The following KLK13 variants were observed in gnomAD, a reference collection of about 807,000 sequenced individuals.
The protein encoded by KLK13 is kallikrein-13.
In KLK13, 19 loss-of-function variants were observed where a neutral mutation model predicts 22.4. The observed-to-expected ratio is 0.85, with a 90% CI of 0.59 to 1.24. The LOEUF is 1.24. Ranked by LOEUF, KLK13 falls within the 50% of genes most tolerant of loss-of-function variation. The pLI, the probability that KLK13 is intolerant of heterozygous loss-of-function variation, is 0.00. For synonymous variants in KLK13, 156 were observed against 141.8 expected (o/e 1.10, Z -0.71); for missense variants, 311 against 347.9 (o/e 0.89, Z 0.84).
chr19:51,060,272 T>C (rs2091715183), intron 2 of KLK13, among the ~76,000 whole-genome samples, 161 bp downstream of exon 2: 2 of 151,938 alleles, frequency 1.3e-5, no homozygotes, highest in Non-Finnish European at 2.9e-5. Context: ...TTTGATTCTA[T>C]TCCCATACCC....
chr19:51,060,510 T>A lies in KLK13; in HGVS notation c.162A>T (p.Leu54=). ...CCCCACAGAGTAGCCGCCCTTGCACTAGTAGGGCAGCCTGCCAGGGCTGAG... is the reference window on the plus strand; with the variant it reads ...CCCCACAGAGTAGCCGCCCTTGCACAAGTAGGGCAGCCTGCCAGGGCTGAG... ...PHSQPWQAAL[L]VQGRLLCGGV... is the part of the protein sequence containing the mutation. Residue 54 remains leucine, a synonymous_variant, in exon 2 of 5, where the codon CTA becomes CTT. Transcript: ENST00000595793. The A allele has an allele frequency of 6.2e-7, 1 of 1,613,916 alleles. No individual in the cohort carries two copies. Among genetic ancestry groups the A allele is most frequent in the Non-Finnish European group, 8.5e-7 (1 of 1,179,894 alleles).
chr19:51,062,191 G>T (rs1336594978), intron 1 of KLK13, among the ~76,000 whole-genome samples: 2 of 152,116 alleles, frequency 1.3e-5, no homozygotes, highest in African/African-American at 2.4e-5. Context: ...ACAGATATAG[G>T]ATATTTCATA....
In KLK13 at chr19:51,060,529, G is replaced by A. The variant is rs183071880; in HGVS notation, c.143C>T (p.Pro48Leu). The stretch of plus-strand genomic sequence containing the variant: ...TTGCACTAGTAGGGCAGCCTGCCAG[G>A]GCTGAGAGTGGGGGAAGCAGGTGTA... ...GGYTCFPHSQ[P>L]WQAALLVQGR... Residue 48 changes from proline to leucine, a missense_variant, in exon 2 of 5, where the codon CCC becomes CTC. Pro to Leu is a moderately conservative substitution (Grantham distance 98). Coordinates refer to ENST00000595793, the MANE Select transcript of KLK13 (RefSeq NM_015596.3). 2.3e-5 allele frequency: 37 copies of A among 1,613,986 alleles called. No homozygotes were observed. Among genetic ancestry groups the A allele is most frequent in the Admixed American group, 8.3e-5 (5 of 60,022 alleles).
chr19:51,062,940 G>A (rs1404319), intron 1 of KLK13, among the ~76,000 whole-genome samples: 64,991 of 152,026 alleles, frequency 0.43, 15,337 homozygotes, highest in African/African-American at 0.61. Context: ...GACAGAAGTT[G>A]TCGGTGAGCA....
In KLK13 at chr19:51,055,867, C is replaced by T. The variant is rs2091670886; in HGVS notation, c.*720G>A. On this transcript the variant is annotated 3_prime_UTR_variant, in exon 5 of 5. Transcript: ENST00000595793. ...AGACAATAAAGTTCAGGCAAGAAGA[C>T]CCTTTGGTATACTGAACCCTATAAC... Among the ~76,000 whole-genome samples the T allele has an allele frequency of 1.3e-5, 2 of 152,120 alleles. No homozygotes were observed. The highest frequency in any genetic ancestry group is 4.8e-5 in the African/African-American group (2 of 41,412).
In KLK13 at chr19:51,060,102, G is replaced by GCT; in HGVS notation, c.240-10_240-9insAG. On this transcript the variant is annotated splice_polypyrimidine_tract_variant and intron_variant, in intron 2 of 4. Transcript: ENST00000595793. ...GGTAAACTTTGAGCCCCCTGTGGGT[G>GCT]CAGAAAGAAGGTGGTTAGGAAAGAA... 3 of 1,612,566 alleles carry GCT rather than the reference G, an allele frequency of 1.9e-6. No individual in the cohort carries two copies. The South Asian group carries it at 3.3e-5, about 18-fold the overall frequency.
chr19:51,064,727 A>G (rs2091764120), intron 1 of KLK13: 1 of 640,960 alleles, frequency 1.6e-6, no homozygotes, highest in East Asian at 3.1e-5. Context: ...TCAGGACGCG[A>G]ACCCATGTCT....
chr19:51,057,362 C>T (rs945563952), intron 4 of KLK13, among the ~76,000 whole-genome samples: 1 of 152,116 alleles, frequency 6.6e-6, no homozygotes, highest in Non-Finnish European at 1.5e-5. Context: ...TTGATGAAGG[C>T]TATTTTTTGC....
At chr19:51,065,087 GAGGGCAGGGCGGGC>G in exon 1 of KLK13, 2 of 1,450,032 alleles carry the variant, frequency 1.4e-6, no homozygotes, top group Non-Finnish European at 1.9e-6. Flanking sequence ...ATCGGGAGGG[GAGGGCAGGGCGGGC>G]GGGGCCTGAG....
chr19:51,064,484 T>G (rs1219933919), intron 1 of KLK13: 2 of 237,966 alleles, frequency 8.4e-6, no homozygotes, highest in Admixed American at 1.1e-4. Flanking sequence ...CAAGGTTCCA[T>G]CTCAAAAAAA....
In KLK13 at chr19:51,060,570, C is replaced by T; in HGVS notation, c.102G>A (p.Gly34=). 2 of 1,613,390 alleles carry T rather than the reference C, an allele frequency of 1.2e-6. No homozygotes were observed. The highest frequency in any genetic ancestry group is 1.7e-6 in the Non-Finnish European group (2 of 1,179,614). ...AGCAGGTGTAGCCACCTGGGAGAAA[C>T]CCACTGGTCCCATTGGTGTTGAGAA... ...SKVLNTNGTS[G]FLPGGYTCFP... Residue 34 remains glycine (G), a synonymous_variant, in exon 2 of 5, where the codon GGG becomes GGA. Coordinates refer to ENST00000595793, the MANE Select transcript of KLK13 (RefSeq NM_015596.3).
intron 1 of KLK13, 22 bp downstream of exon 1, chr19:51,064,994 C>CT (rs1388260478): frequency 6.5e-7 from 1 of 1,550,216 alleles, no homozygotes; most frequent in Admixed American, 2.0e-5. Flanking sequence ...GCCGCCGCGC[C>CT]TCCACCCCCG....
Position 51,060,461 on chromosome 19 carries a change from C to G in KLK13, c.211G>C (p.Val71Leu), listed in dbSNP as rs752764262. The G allele has an allele frequency of 1.1e-4, 177 of 1,612,660 alleles. No individual in the cohort carries two copies. Among genetic ancestry groups the G allele is most frequent in the Non-Finnish European group, 1.4e-4 (166 of 1,179,230 alleles). ...TTTAGACAGTGTGCGGCAGTGAGGA[C>G]CCATTTGGGGTGGACCAGGACTCCC... ...CGGVLVHPKW[V>L]LTAAHCLKEG... The change falls in exon 2 of 5, where the codon GTC becomes CTC. Residue 71 changes from valine (V) to leucine (L), a missense_variant. Coordinates refer to ENST00000595793, the MANE Select transcript of KLK13 (RefSeq NM_015596.3).
intron 1 of KLK13, among the ~76,000 whole-genome samples, chr19:51,062,822 A>T (rs1384043633): frequency 6.6e-6 from 1 of 152,166 alleles, no homozygotes; most frequent in Admixed American, 6.5e-5. Flanking sequence ...GTCAGTGGGA[A>T]ATGTTATTAT....
rs1344576512 is a variant in KLK13, at chr19:51,064,610, T to G, written c.52+406A>C. 4 of 528,316 alleles carry G rather than the reference T, an allele frequency of 7.6e-6. No homozygotes were observed. The Admixed American group carries it at 7.9e-5, about 10-fold the overall frequency. The allele number at this position is 528,316 out of a possible 1,614,324, so 32.7% of individuals were successfully genotyped here. On this transcript the variant is annotated intron_variant, in intron 1 of 4. Coordinates refer to ENST00000595793, the MANE Select transcript of KLK13 (RefSeq NM_015596.3). ...CTCGACGCATTACCTCGTTTCAATA[T>G]TCACAGTGACCTTCTCTGGTAAGCA...
In KLK13 at chr19:51,058,438, G is replaced by A; in HGVS notation, c.645+100C>T. On this transcript the variant is annotated intron_variant, in intron 4 of 4. Transcript: ENST00000595793. The stretch of plus-strand genomic sequence containing the variant: ...GGGACATTGTATCTTATAAAGATTG[G>A]TTCCCCTAAGGCTGGAAACAAAGCT... 4 of 1,390,008 alleles carry A rather than the reference G, an allele frequency of 2.9e-6. No individual in the cohort carries two copies. The Admixed American group carries it at 7.7e-5, about 27-fold the overall frequency. 86.1% of individuals were successfully genotyped at this position (1,390,008 alleles called of 1,614,324 possible). A position where few individuals can be genotyped will look rare whatever the true frequency, so the allele number is the denominator to read the frequency against.
intron 4 of KLK13, among the ~76,000 whole-genome samples, chr19:51,058,214 C>A (rs1260968021): frequency 6.6e-6 from 1 of 152,170 alleles, no homozygotes; most frequent in Non-Finnish European, 1.5e-5. Flanking sequence ...GCCAGACAAC[C>A]TGGATTTTCA....
chr19:51,058,884 G>A lies in KLK13; in HGVS notation c.509-210C>T, dbSNP rs369560988. On this transcript the variant is annotated intron_variant, in intron 3 of 4. Coordinates refer to ENST00000595793, the MANE Select transcript of KLK13 (RefSeq NM_015596.3). ...GGAGAGAGGCGAAGGGAGAGATGAG[G>A]AGAAAAGTGGAGGGAAGGACAAGGA... 5.3e-5 allele frequency among the ~76,000 whole-genome samples: 8 copies of A among 152,152 alleles called. 1 individual carries two copies. Among genetic ancestry groups the A allele is most frequent in the South Asian group, 2.1e-4 (1 of 4,818 alleles).
chr19:51,063,515 G>A, intron 1 of KLK13: 1 of 377,222 alleles, frequency 2.7e-6, no homozygotes, highest in South Asian at 2.0e-5. Context: ...GGTGTCATTG[G>A]AGCAGGAGCC....
Sources: allele counts gnomAD v4.1 joint callset (sites outside exome capture counted in the v4.1 genomes callset), GRCh38; gene constraint gnomAD v4.1.1; transcripts MANE v1.5; gene names NCBI Gene and HGNC (gene_info 2026-07-23, HGNC 2026-07-21).